Variants in CTNND2 observed in about 807,000 individuals in gnomAD.
CTNND2 encodes the protein catenin delta 2.
Under a neutral mutation model 144.4 loss-of-function variants are expected in CTNND2, and 22 were observed. The observed-to-expected ratio is 0.15, with a 90% CI of 0.11 to 0.22. The LOEUF (loss-of-function observed/expected upper bound fraction) is 0.22, where lower values mean the gene tolerates loss of function less well. Among genes scored for constraint, CTNND2 ranks in the 10% least tolerant of loss-of-function variants. The pLI, the probability that CTNND2 is intolerant of heterozygous loss-of-function variation, is 1.00. For synonymous variants in CTNND2, 751 were observed against 695.6 expected (o/e 1.08, Z -1.25); for missense variants, 1,353 against 1,618.8 (o/e 0.84, Z 2.82).
rs533504573 is a variant in CTNND2, at chr5:11,744,075, C to G, written c.38-11803G>C. Among the ~76,000 whole-genome samples the G allele has an allele frequency of 9.2e-5, 14 of 152,314 alleles. No homozygotes were observed. The South Asian group carries it at 2.9e-3, about 32-fold the overall frequency. Reference sequence around the variant, plus strand: ...AGACGCCTAAGCAGCCAGGCTCTAGCAAACTGCGGTCAGTGAGGATGGGAG... The same window carrying G: ...AGACGCCTAAGCAGCCAGGCTCTAGGAAACTGCGGTCAGTGAGGATGGGAG... On this transcript the variant is annotated intron_variant, in intron 1 of 21. Coordinates refer to ENST00000304623, the MANE Select transcript of CTNND2 (RefSeq NM_001332.4).
intron 1 of CTNND2, among the ~76,000 whole-genome samples, chr5:11,836,770 A>G (rs972741918): frequency 6.6e-6 from 1 of 152,226 alleles, no homozygotes; most frequent in Non-Finnish European, 1.5e-5. Context: ...TACCGAAGGT[A>G]GGTATATTGG....
chr5:11,707,291 G>A (rs1315156695), intron 2 of CTNND2, among the ~76,000 whole-genome samples: 6 of 152,096 alleles, frequency 3.9e-5, no homozygotes, highest in Non-Finnish European at 7.4e-5. Context: ...CATGACTTTT[G>A]ACAAGGTGTG....
chr5:11,293,960 C>T (rs1228514678), intron 9 of CTNND2, among the ~76,000 whole-genome samples: 1 of 151,438 alleles, frequency 6.6e-6, no homozygotes, highest in African/African-American at 2.4e-5. Flanking sequence ...CAACAGTTCT[C>T]AGAGTCTCAA....
At chr5:11,337,160 C>T (rs1452184112) in intron 9 of CTNND2, among the ~76,000 whole-genome samples, 2 of 152,144 alleles carry the variant, frequency 1.3e-5, no homozygotes, top group Admixed American at 6.5e-5. Flanking sequence ...TAAAAGATAT[C>T]AAGCAGGAAA....
chr5:11,019,873 A>C (rs1040317561), intron 17 of CTNND2, among the ~76,000 whole-genome samples: 19 of 152,248 alleles, frequency 1.2e-4, no homozygotes, highest in South Asian at 2.1e-4. Context: ...GGGAAAAAAA[A>C]CCAAATGTAT....
At chr5:11,503,143 A>G (rs940092984) in intron 3 of CTNND2, among the ~76,000 whole-genome samples, 2 of 152,164 alleles carry the variant, frequency 1.3e-5, no homozygotes, top group Non-Finnish European at 2.9e-5. Context: ...CCCTTTCCAC[A>G]TCTTCAGATT....
At chr5:10,987,134 T>G (rs1245264661) in intron 20 of CTNND2, among the ~76,000 whole-genome samples, 1 of 152,184 alleles carries the variant, frequency 6.6e-6, no homozygotes, top group African/African-American at 2.4e-5. Context: ...GGGTCCCCGT[T>G]GAAAGGTCCT....
intron 2 of CTNND2, among the ~76,000 whole-genome samples, chr5:11,669,317 G>C (rs1399193925): frequency 2.6e-5 from 4 of 152,106 alleles, no homozygotes; most frequent in Non-Finnish European, 5.9e-5. Context: ...CTATTGTTTG[G>C]AATAGTTTCA....
intron 2 of CTNND2, among the ~76,000 whole-genome samples, chr5:11,731,567 CG>C (rs1787391597): frequency 6.6e-6 from 1 of 152,102 alleles, no homozygotes; most frequent in Admixed American, 6.5e-5. Flanking sequence ...TATAAAGTGA[CG>C]TTTTAAATCT....
At chr5:11,849,061 C>T (rs923355652) in intron 1 of CTNND2, among the ~76,000 whole-genome samples, 5 of 152,048 alleles carry the variant, frequency 3.3e-5, no homozygotes, top group Non-Finnish European at 5.9e-5. Context: ...TAAAGACATA[C>T]CCGAGACTAG....
intron 16 of CTNND2, among the ~76,000 whole-genome samples, chr5:11,080,079 T>C (rs559462359): frequency 2.0e-5 from 3 of 152,030 alleles, no homozygotes; most frequent in African/African-American, 7.2e-5. Context: ...AAAATATAAT[T>C]ATGGGTTGAT....
At chr5:11,078,323 C>T (rs1047537251) in intron 16 of CTNND2, among the ~76,000 whole-genome samples, 7 of 152,220 alleles carry the variant, frequency 4.6e-5, no homozygotes, top group Admixed American at 2.0e-4. Context: ...TTTCCTCTCT[C>T]TTAAATACAA....
Position 11,772,718 on chromosome 5 carries a change from A to G in CTNND2, c.38-40446T>C, listed in dbSNP as rs142078901. 5.4e-3 allele frequency among the ~76,000 whole-genome samples: 815 copies of G among 152,300 alleles called. 13 individuals are homozygous for G. Among genetic ancestry groups the G allele is most frequent in the African/African-American group, 0.019 (785 of 41,574 alleles). ...TTTTGATCCAATTGAATGTCACACA[A>G]AGCCCCACAGATACAAGCAGTTCTT... On this transcript the variant is annotated intron_variant, in intron 1 of 21. Coordinates refer to ENST00000304623, the MANE Select transcript of CTNND2 (RefSeq NM_001332.4).
chr5:11,394,513 G>A (rs61749810), intron 6 of CTNND2, among the ~76,000 whole-genome samples: 5,926 of 152,302 alleles, frequency 0.039, 345 homozygotes, highest in African/African-American at 0.12. Context: ...CTGTAAATCA[G>A]TTCAGGTCAC....
At chr5:11,902,697 T>C (rs1738005519) in intron 1 of CTNND2, among the ~76,000 whole-genome samples, 1 of 152,138 alleles carries the variant, frequency 6.6e-6, no homozygotes, top group East Asian at 1.9e-4. Flanking sequence ...ATCAACATAT[T>C]TGCTTGAGCA....
chr5:11,096,267 T>C (rs1425273888), intron 15 of CTNND2, among the ~76,000 whole-genome samples: 1 of 152,196 alleles, frequency 6.6e-6, no homozygotes, highest in African/African-American at 2.4e-5. Context: ...GCTGCACCCA[T>C]CAACCGTTAT....
chr5:11,653,508 T>C (rs569384195), intron 2 of CTNND2, among the ~76,000 whole-genome samples: 4 of 152,274 alleles, frequency 2.6e-5, no homozygotes, highest in African/African-American at 9.6e-5. Flanking sequence ...CCTTTTTATA[T>C]ACCTGTTGGT....
intron 3 of CTNND2, among the ~76,000 whole-genome samples, chr5:11,534,767 C>A (rs1393040660): frequency 6.6e-6 from 1 of 152,164 alleles, no homozygotes; most frequent in South Asian, 2.1e-4. Context: ...AGTCTGAGAG[C>A]TGTCTGTGAG....
At chr5:11,175,399 CTT>C (rs1760381233) in intron 11 of CTNND2, among the ~76,000 whole-genome samples, 2 of 152,210 alleles carry the variant, frequency 1.3e-5, no homozygotes, top group South Asian at 4.1e-4. Flanking sequence ...GAGACAAGCT[CTT>C]GTTTATCGCT....
Sources: allele counts gnomAD v4.1 joint callset (sites outside exome capture counted in the v4.1 genomes callset), GRCh38; gene constraint gnomAD v4.1.1; transcripts MANE v1.5; gene names NCBI Gene and HGNC (gene_info 2026-07-23, HGNC 2026-07-21).